Variants in RFC5 observed in about 807,000 individuals in gnomAD.
The protein encoded by RFC5 is A1 36 kDa subunit.
A neutral mutation model predicts 44.3 loss-of-function variants in RFC5; 26 were observed. That is an observed-to-expected ratio of 0.59 (90% CI 0.43 to 0.81). The LOEUF (loss-of-function observed/expected upper bound fraction) is 0.81, where lower values mean the gene tolerates loss of function less well. Ranked by LOEUF, RFC5 falls within the 40% of genes least tolerant of loss-of-function variation. The probability of loss-of-function intolerance (pLI) is 0.00; values close to 1 mark genes in which losing one functional copy is unlikely to be tolerated. For missense variants in RFC5, 328 were observed against 418.6 expected (o/e 0.78, Z 1.89); for synonymous variants, 155 against 155.2 (o/e 1.00, Z 0.01).
At chr12:118,038,642 G>A in the RFC5 span, among the ~76,000 whole-genome samples, 4 of 152,154 alleles carry the variant, frequency 2.6e-5, no homozygotes, top group East Asian at 5.8e-4. Flanking sequence ...CAATCTATAA[G>A]ATCAGTAAGG....
At chr12:118,034,346 G>C, downstream of RFC5, 1 of 1,613,928 alleles carries the variant, frequency 6.2e-7, no homozygotes, top group Non-Finnish European at 8.5e-7. Context: ...ACTGGACGTG[G>C]CCATCTCTTG....
downstream of RFC5, chr12:118,034,583 G>GTCTCTC (rs10624358): frequency 1.9e-6 from 1 of 531,762 alleles, no homozygotes; most frequent in African/African-American, 1.9e-5. Flanking sequence ...CGCTCTCTCT[G>GTCTCTC]TCTCTCTCTC....
intron 1 of RFC5, 119 bp downstream of exon 1, chr12:118,017,011 C>G (rs760348103): frequency 7.4e-6 from 6 of 812,454 alleles, no homozygotes; most frequent in South Asian, 1.5e-5. Context: ...CGTCTCCAGG[C>G]CTGCAGCCGG....
chr12:118,017,996 C>A (rs1348756138), intron 1 of RFC5: 1 of 701,124 alleles, frequency 1.4e-6, no homozygotes, highest in Admixed American at 2.0e-5. Flanking sequence ...TTCCTCTAGC[C>A]CCTGGCAACC....
At chr12:118,017,791 CTCCGA>C in intron 1 of RFC5, 1 of 664,318 alleles carries the variant, frequency 1.5e-6, no homozygotes, top group South Asian at 1.5e-5. Flanking sequence ...CTGCCTCAGC[CTCCGA>C]AGAACTGGGA....
chr12:118,037,678 A>AAAAAG (rs1162965546), downstream of RFC5, among the ~76,000 whole-genome samples: 10 of 151,462 alleles, frequency 6.6e-5, no homozygotes, highest in East Asian at 1.9e-4. Flanking sequence ...AAAAAAAAAA[A>AAAAAG]AAAAGAAAAG....
At chr12:118,025,875 G>A (rs1211851756) in intron 7 of RFC5, 47 bp downstream of exon 7, 1 of 1,128,140 alleles carries the variant, frequency 8.9e-7, no homozygotes, top group Non-Finnish European at 1.3e-6. Context: ...TTGAGACAGA[G>A]TCTTGCTCTG....
At chr12:118,035,184 A>G, downstream of RFC5, 1 of 1,613,642 alleles carries the variant, frequency 6.2e-7, no homozygotes, top group South Asian at 1.1e-5. Flanking sequence ...ACTTGTTCTG[A>G]GGCCATGTAA....
Position 118,028,111 on chromosome 12 carries a change from T to C in RFC5, c.871+81T>C, listed in dbSNP as rs1425334655. The C allele has an allele frequency of 7.1e-6, 6 of 845,700 alleles. No individual in the cohort carries two copies. In the Admixed American group the frequency reaches 1.1e-4, roughly 15 times the overall value. 52.4% of individuals were successfully genotyped at this position (845,700 alleles called of 1,614,324 possible). A position where few individuals can be genotyped will look rare whatever the true frequency, so the allele number is the denominator to read the frequency against. ...GTTAAGGATGGTTAGGACAGGAGGC[T>C]TCATTCTTGAAGCAAAGAAACTAAT... On this transcript the variant is annotated intron_variant, in intron 9 of 10. Coordinates refer to ENST00000454402, the MANE Select transcript of RFC5 (RefSeq NM_007370.7).
At chr12:118,040,279 G>A in the RFC5 span, among the ~76,000 whole-genome samples, 4 of 152,094 alleles carry the variant, frequency 2.6e-5, no homozygotes, top group Non-Finnish European at 4.4e-5. Context: ...CCTGTCAGCT[G>A]GGAACCAACT....
intron 5 of RFC5, among the ~76,000 whole-genome samples, chr12:118,022,933 A>C (rs1045701440): frequency 1.4e-4 from 21 of 152,160 alleles, no homozygotes; most frequent in Non-Finnish European, 2.5e-4. Flanking sequence ...CAGCCTAGGG[A>C]CTAAGCCCTG....
the RFC5 span, among the ~76,000 whole-genome samples, chr12:118,040,324 T>TTG: frequency 6.6e-6 from 1 of 152,142 alleles, no homozygotes; most frequent in East Asian, 1.9e-4. Context: ...GCTCTCATAA[T>TTG]TGGCCTACTC....
downstream of RFC5, among the ~76,000 whole-genome samples, chr12:118,036,969 G>T (rs548508103): frequency 6.6e-6 from 1 of 152,186 alleles, no homozygotes; most frequent in East Asian, 1.9e-4. Context: ...ATCACATGAG[G>T]CCAGGAGTTC....
At chr12:118,039,638 A>G in the RFC5 span, among the ~76,000 whole-genome samples, 3 of 152,218 alleles carry the variant, frequency 2.0e-5, no homozygotes, top group African/African-American at 7.2e-5. Flanking sequence ...GAGCCAAGCA[A>G]GAAAGAAGAA....
At chr12:118,038,142 A>T in the RFC5 span, 1 of 615,154 alleles carries the variant, frequency 1.6e-6, no homozygotes, top group African/African-American at 1.9e-5. Flanking sequence ...GTCACAAGGG[A>T]CTTTTGCAGG....
Position 118,024,987 on chromosome 12 carries a change from G to A in RFC5, c.558G>A (p.Leu186=). 2 of 1,613,628 alleles carry A rather than the reference G, an allele frequency of 1.2e-6. No homozygotes were observed. The highest frequency in any genetic ancestry group is 1.7e-6 in the Non-Finnish European group (2 of 1,179,866). ...CTCCTGAACTCATGGTTCCCCGCCT[G>A]GAACATGTCGTGGAAGAAGAGAAGT... ...PLTPELMVPR[L]EHVVEEEKVD... The change falls in exon 6 of 11, where the codon CTG becomes CTA. Residue 186 remains leucine (L), a synonymous_variant. Transcript: ENST00000454402.
chr12:118,017,923 C>G, intron 1 of RFC5: 1 of 676,422 alleles, frequency 1.5e-6, no homozygotes, highest in African/African-American at 1.8e-5. Context: ...CTATCTAGTT[C>G]CAAAATTTCA....
At chr12:118,031,147 G>A in intron 10 of RFC5, 35 bp from the exon 11 acceptor site, 3 of 1,476,746 alleles carry the variant, frequency 2.0e-6, no homozygotes, top group Non-Finnish European at 2.8e-6. Context: ...TGTGTTTGGT[G>A]TCTTTTTTCT....
chr12:118,021,990 G>T (rs190107756), intron 4 of RFC5, among the ~76,000 whole-genome samples: 1 of 152,236 alleles, frequency 6.6e-6, no homozygotes, highest in Admixed American at 6.6e-5. Context: ...ACTCAGGCAT[G>T]AGTGAGGGAG....
Sources: allele counts gnomAD v4.1 joint callset (sites outside exome capture counted in the v4.1 genomes callset), GRCh38; gene constraint gnomAD v4.1.1; transcripts MANE v1.5; gene names NCBI Gene and HGNC (gene_info 2026-07-23, HGNC 2026-07-21).